Variants in ZHX2 observed in about 807,000 individuals in gnomAD.
ZHX2 encodes zinc fingers and homeoboxes 2, also known as zinc fingers and homeoboxes protein 2.
A neutral mutation model predicts 21.9 loss-of-function variants in ZHX2; 6 were observed. That is an observed-to-expected ratio of 0.27 (90% confidence interval 0.15 to 0.54). ZHX2 has a LOEUF of 0.54. Ranked by LOEUF, ZHX2 falls within the 20% of genes least tolerant of loss-of-function variation. The pLI is 0.95. For synonymous variants in ZHX2, 434 were observed against 437.1 expected (o/e 0.99, Z 0.09); for missense variants, 908 against 1,090.7 (o/e 0.83, Z 2.36).
intron 2 of ZHX2, among the ~76,000 whole-genome samples, chr8:122,929,273 A>G (rs982540724): frequency 6.6e-6 from 1 of 152,182 alleles, no homozygotes; most frequent in African/African-American, 2.4e-5. Context: ...ATCAGCCAAG[A>G]AGTAACCCCA....
intron 3 of ZHX2, among the ~76,000 whole-genome samples, chr8:122,957,390 T>G (rs1225623648): frequency 6.6e-6 from 1 of 151,750 alleles, no homozygotes; most frequent in Non-Finnish European, 1.5e-5. Context: ...CTAAACAGGA[T>G]GCTAAGATCT....
At chr8:122,882,720 G>T (rs1819741998) in intron 2 of ZHX2, among the ~76,000 whole-genome samples, 3 of 152,286 alleles carry the variant, frequency 2.0e-5, no homozygotes, top group South Asian at 4.1e-4. Context: ...AGTGGCTCAT[G>T]CCTGTAATCC....
chr8:122,807,963 G>A (rs1426367027), intron 1 of ZHX2: 2 of 152,200 alleles, frequency 1.3e-5, no homozygotes, highest in Admixed American at 1.3e-4. Context: ...GAGGCTCAGA[G>A]AGAGATATTG....
chr8:122,969,107 G>A (rs1813656814), intron 3 of ZHX2, among the ~76,000 whole-genome samples: 2 of 151,930 alleles, frequency 1.3e-5, no homozygotes, highest in South Asian at 4.2e-4. Flanking sequence ...ATTGCAGTGA[G>A]CCAAGATCAT....
intron 2 of ZHX2, among the ~76,000 whole-genome samples, chr8:122,865,040 T>G (rs187814600): frequency 1.6e-3 from 246 of 151,938 alleles, no homozygotes; most frequent in African/African-American, 5.4e-3. Flanking sequence ...ACAGTGGTTG[T>G]GCACAGGCTG....
chr8:122,815,399 C>T (rs1227811612), intron 1 of ZHX2: 3 of 152,210 alleles, frequency 2.0e-5, no homozygotes, highest in South Asian at 2.1e-4. Context: ...CATTTTATTG[C>T]ACTTCACTGT....
At chr8:122,818,810 A>G (rs1415275338) in intron 1 of ZHX2, among the ~76,000 whole-genome samples, 2 of 152,228 alleles carry the variant, frequency 1.3e-5, no homozygotes, top group Admixed American at 6.5e-5. Context: ...CTGAAGTGCC[A>G]GTCCCATATT....
At chr8:122,890,562 A>T (rs946073995) in intron 2 of ZHX2, among the ~76,000 whole-genome samples, 3 of 152,168 alleles carry the variant, frequency 2.0e-5, no homozygotes, top group African/African-American at 7.2e-5. Flanking sequence ...TGGTCATTTT[A>T]ACAATACTAA....
Position 122,952,012 on chromosome 8 carries a change from A to C in ZHX2, c.502A>C (p.Ser168Arg). 1.9e-6 allele frequency: 3 copies of C among 1,613,832 alleles called. No individual in the cohort carries two copies. The highest frequency in any genetic ancestry group is 2.5e-6 in the Non-Finnish European group (3 of 1,179,982). The change falls in exon 3 of 4, where the codon AGT (serine) becomes CGT (arginine). Residue 168 changes from serine to arginine, a missense_variant. Ser to Arg is a moderately radical substitution (Grantham distance 110). Coordinates refer to ENST00000314393, the MANE Select transcript of ZHX2 (RefSeq NM_014943.5). The surrounding 1 kb of genome is among the most constrained non-coding windows in gnomAD (Gnocchi z 6.9). ...TTNHVVSITT[S>R]GPGTGDSDSG... ...CAACCATGTCGTGTCCATCACCACC[A>C]GTGGCCCTGGAACTGGTGACAGTGA...
At chr8:122,858,872 C>T (rs28637302) in intron 1 of ZHX2, among the ~76,000 whole-genome samples, 5,554 of 152,276 alleles carry the variant, frequency 0.036, 239 homozygotes, top group African/African-American at 0.1. Context: ...AACTCCTGAC[C>T]TCAGGTAATC....
chr8:122,846,549 ATTTTTTT>A (rs201581677), intron 1 of ZHX2, among the ~76,000 whole-genome samples: 2 of 111,278 alleles, frequency 1.8e-5, no homozygotes, highest in African/African-American at 6.2e-5. Context: ...GACTTTGTGT[ATTTTTTT>A]TTTTTTTTTT....
chr8:122,885,860 G>A (rs1395888659), intron 2 of ZHX2, among the ~76,000 whole-genome samples: 2 of 152,188 alleles, frequency 1.3e-5, no homozygotes, highest in Non-Finnish European at 2.9e-5. Context: ...CCCATAGTCT[G>A]TAGCCCTGGC....
At chr8:122,843,184 T>C (rs544047672) in intron 1 of ZHX2, among the ~76,000 whole-genome samples, 2 of 152,376 alleles carry the variant, frequency 1.3e-5, no homozygotes, top group South Asian at 4.1e-4. Flanking sequence ...CTCAGATCTG[T>C]TACATGCCAG....
intron 3 of ZHX2, among the ~76,000 whole-genome samples, chr8:122,956,452 A>G (rs955251723): frequency 6.6e-6 from 1 of 152,108 alleles, no homozygotes; most frequent in Non-Finnish European, 1.5e-5. Context: ...TCAGAGGAGG[A>G]ACACCTAGGT....
At chr8:122,852,914 A>G (rs1160562167) in intron 1 of ZHX2, among the ~76,000 whole-genome samples, 1 of 152,152 alleles carries the variant, frequency 6.6e-6, no homozygotes. Context: ...AAGGAAAATG[A>G]AGCCCTTATG....
chr8:122,841,700 A>G (rs1428280457), intron 1 of ZHX2, among the ~76,000 whole-genome samples: 1 of 152,118 alleles, frequency 6.6e-6, no homozygotes, highest in Non-Finnish European at 1.5e-5. Flanking sequence ...AGACATGGTG[A>G]TGAAGCCTCC....
chr8:122,963,518 A>C (rs1813508596), intron 3 of ZHX2, among the ~76,000 whole-genome samples: 1 of 152,186 alleles, frequency 6.6e-6, no homozygotes, highest in African/African-American at 2.4e-5. Flanking sequence ...TGTTTTGGTA[A>C]CTATAGCCTT....
At chr8:122,849,593 C>T (rs772677876) in intron 1 of ZHX2, among the ~76,000 whole-genome samples, 3 of 152,148 alleles carry the variant, frequency 2.0e-5, no homozygotes, top group Admixed American at 6.5e-5. Context: ...CCTCTGTCTT[C>T]ACGTCACCTT....
chr8:122,875,936 A>G (rs974071064), intron 2 of ZHX2, among the ~76,000 whole-genome samples: 2 of 152,208 alleles, frequency 1.3e-5, no homozygotes. Flanking sequence ...GTAAAAGGGC[A>G]ACTGAAAAAT....
Sources: allele counts gnomAD v4.1 joint callset (sites outside exome capture counted in the v4.1 genomes callset), GRCh38; gene constraint gnomAD v4.1.1; non-coding constraint Gnocchi (gnomAD v3.1); transcripts MANE v1.5; gene names NCBI Gene and HGNC (gene_info 2026-07-23, HGNC 2026-07-21).